GALNT5: variants seen among roughly 807,000 people sequenced by gnomAD.
The protein encoded by GALNT5 is UDP-GalNAc:polypeptide N-acetylgalactosaminyltransferase 5.
A neutral mutation model predicts 85.4 loss-of-function variants in GALNT5; 72 were observed. The ratio of observed to expected loss-of-function variants is 0.84; its 90% confidence interval spans 0.70 to 1.03. GALNT5 has a LOEUF of 1.03. Among genes scored for constraint, GALNT5 ranks in the 50% least tolerant of loss-of-function variants. GALNT5 has a pLI of 0.00. For synonymous variants in GALNT5, 404 were observed against 397.0 expected, an observed-to-expected ratio of 1.02 and a Z score of -0.21; for missense variants, 1,137 against 1,135.5, an observed-to-expected ratio of 1.00 and a Z score of -0.02.
At chr2:157,305,717 T>C in intron 7 of GALNT5, 32 bp from the exon 8 acceptor site, 1 of 1,211,332 alleles carries the variant, frequency 8.3e-7, no homozygotes, top group South Asian at 1.2e-5. Context: ...TTAAAATATT[T>C]TGTAATTCCT....
rs1430248876 is a variant in GALNT5 at position 157,317,722 on chromosome 2, A to G, written c.*6374A>G. 1.3e-5 allele frequency among the ~76,000 whole-genome samples: 2 copies of G among 152,118 alleles called. No individual in the cohort carries two copies. Among genetic ancestry groups the G allele is most frequent in the East Asian group, 3.8e-4 (2 of 5,198 alleles). ...GGTAAACATCCAAATTACTTTCTAA[A>G]TTCATTTCCAAAATTCTCCTGTGCT... On this transcript the variant is annotated 3_prime_UTR_variant, in exon 10 of 10. Coordinates refer to ENST00000259056, the MANE Select transcript of GALNT5 (RefSeq NM_014568.3).
intron 7 of GALNT5, among the ~76,000 whole-genome samples, chr2:157,305,510 G>T (rs926879569): frequency 1.3e-5 from 2 of 152,180 alleles, no homozygotes; most frequent in African/African-American, 4.8e-5. Flanking sequence ...AAGCTTCTGT[G>T]TGTTGGCTCT....
At chr2:157,301,064 ATG>A in intron 7 of GALNT5, 65 bp downstream of exon 7, 1 of 1,153,812 alleles carries the variant, frequency 8.7e-7, no homozygotes, top group Non-Finnish European at 1.3e-6. Context: ...TCTTTCAAAA[ATG>A]TGTGGAAAGA....
At chr2:157,300,223 G>T (rs73968417) in intron 6 of GALNT5, among the ~76,000 whole-genome samples, 11,969 of 152,126 alleles carry the variant, frequency 0.079, 1,465 homozygotes, top group African/African-American at 0.26. Context: ...CTATTGGGTG[G>T]GTGTTCTGTA....
At chr2:157,266,144 G>A (rs1158364595) in intron 1 of GALNT5, among the ~76,000 whole-genome samples, 1 of 152,150 alleles carries the variant, frequency 6.6e-6, no homozygotes, top group Non-Finnish European at 1.5e-5. Context: ...AATCAGGAGC[G>A]GTGCGCCATG....
rs760204081 is a variant in GALNT5 at position 157,296,522 on chromosome 2, G to C, written c.1997+9G>C. ...GAAACTGATACAATAAGGTAAGTGT[G>C]GGAAATTTAAGACTAGAAAGCAGTC... On this transcript the variant is annotated intron_variant, in intron 5 of 9. Transcript: ENST00000259056. 6.2e-7 allele frequency: 1 copy of C among 1,602,208 alleles called. No homozygotes were observed. Among genetic ancestry groups the C allele is most frequent in the Admixed American group, 1.7e-5 (1 of 59,308 alleles).
At chr2:157,303,057 C>T (rs1683374551) in intron 7 of GALNT5, among the ~76,000 whole-genome samples, 1 of 152,174 alleles carries the variant, frequency 6.6e-6, no homozygotes, top group Admixed American at 6.5e-5. Flanking sequence ...TTGTTACTTG[C>T]TTCGTTTCCC....
chr2:157,279,162 A>T (rs1645592037), intron 1 of GALNT5, among the ~76,000 whole-genome samples: 1 of 152,112 alleles, frequency 6.6e-6, no homozygotes, highest in African/African-American at 2.4e-5. Context: ...CAGAACAGCA[A>T]ATATTGCTGC....
intron 1 of GALNT5, among the ~76,000 whole-genome samples, chr2:157,263,101 G>A (rs1284343426): frequency 2.0e-5 from 3 of 151,574 alleles, no homozygotes; most frequent in East Asian, 1.9e-4. Flanking sequence ...TGCTGGGATT[G>A]CAGGCGTGAG....
chr2:157,265,384 A>C (rs2105147616), intron 1 of GALNT5, among the ~76,000 whole-genome samples: 1 of 152,348 alleles, frequency 6.6e-6, no homozygotes, highest in African/African-American at 2.4e-5. Flanking sequence ...AATGGAAAGC[A>C]CAATTCTGCT....
chr2:157,310,609 C>A (rs1683548909), intron 9 of GALNT5, among the ~76,000 whole-genome samples: 1 of 152,068 alleles, frequency 6.6e-6, no homozygotes, highest in Non-Finnish European at 1.5e-5. Flanking sequence ...ATATATAAGC[C>A]ATTAGTAAGG....
chr2:157,285,885 A>C (rs1399324191), intron 2 of GALNT5, 130 bp from the exon 3 acceptor site: 1 of 621,558 alleles, frequency 1.6e-6, no homozygotes, highest in Admixed American at 2.9e-5. Flanking sequence ...TAAAATTATG[A>C]CCCAAGGAAT....
chr2:157,277,177 T>C (rs1295105233), intron 1 of GALNT5, among the ~76,000 whole-genome samples: 2 of 152,164 alleles, frequency 1.3e-5, no homozygotes, highest in African/African-American at 4.8e-5. Context: ...TTGCACTGTG[T>C]TCTGAGAGAC....
chr2:157,274,307 C>T (rs1682669227), intron 1 of GALNT5, among the ~76,000 whole-genome samples: 1 of 152,148 alleles, frequency 6.6e-6, no homozygotes, highest in South Asian at 2.1e-4. Flanking sequence ...TTTATAGTAG[C>T]AGGATTTATA....
chr2:157,295,594 T>C lies in GALNT5; in HGVS notation c.1742-69T>C. The C allele has an allele frequency of 1.0e-5, 13 of 1,286,102 alleles. No homozygotes were observed. The South Asian group carries it at 1.2e-4, about 12-fold the overall frequency. The allele number at this position is 1,286,102 out of a possible 1,614,324, so 79.7% of individuals were successfully genotyped here. A position where few individuals can be genotyped will look rare whatever the true frequency, so the allele number is the denominator to read the frequency against. On this transcript the variant is annotated intron_variant, in intron 3 of 9. Transcript: ENST00000259056. ...ATTTCTGGAGCAATCATCAATACCT[T>C]TGAACATGAAGTACACACATTCAAT...
chr2:157,296,608 TAG>T, intron 5 of GALNT5, 95 bp downstream of exon 5: 1 of 890,850 alleles, frequency 1.1e-6, no homozygotes, highest in South Asian at 1.6e-5. Flanking sequence ...TGTTATTCTA[TAG>T]AACATTAAGA....
chr2:157,292,185 G>A (rs767926990), intron 3 of GALNT5, among the ~76,000 whole-genome samples: 2 of 152,220 alleles, frequency 1.3e-5, no homozygotes, highest in Admixed American at 1.3e-4. Flanking sequence ...AGCAGAGCTC[G>A]GATTGAAGGC....
rs1682252353 is a variant in GALNT5, at chr2:157,258,558, C to T, written c.476C>T (p.Thr159Ile). ...TKPEASSHQG[T>I]PKQTTAQGAP... Reference sequence around the variant, plus strand: ...CCTGAAGCCTCCTCTCACCAGGGGACACCAAAGCAAACGACAGCTCAGGGG... The same window carrying T: ...CCTGAAGCCTCCTCTCACCAGGGGATACCAAAGCAAACGACAGCTCAGGGG... The change falls in exon 1 of 10, where the codon ACA becomes ATA. Residue 159 changes from threonine (T) to isoleucine (I), a missense_variant. Coordinates refer to ENST00000259056, the MANE Select transcript of GALNT5 (RefSeq NM_014568.3). 3.7e-6 allele frequency: 6 copies of T among 1,613,056 alleles called. No individual in the cohort carries two copies. The highest frequency in any genetic ancestry group is 4.2e-6 in the Non-Finnish European group (5 of 1,179,888).
chr2:157,270,922 T>C, intron 1 of GALNT5, among the ~76,000 whole-genome samples: 1 of 152,214 alleles, frequency 6.6e-6, no homozygotes. Context: ...GAGACCATCC[T>C]GGCTAATATG....
Sources: gnomAD v4.1 joint callset for allele counts (sites outside exome capture counted in the v4.1 genomes callset) on GRCh38, gnomAD v4.1.1 for gene constraint, MANE v1.5 for transcripts, NCBI Gene and HGNC (gene_info 2026-07-23, HGNC 2026-07-21) for gene names.